The following RBFOX1 variants were observed in gnomAD, a reference collection of about 807,000 sequenced individuals.
The protein encoded by RBFOX1 is RNA binding protein fox-1 homolog 1.
A neutral mutation model predicts 57.7 loss-of-function variants in RBFOX1; 8 were observed. The ratio of observed to expected loss-of-function variants is 0.14; its 90% CI spans 0.08 to 0.25. The LOEUF (loss-of-function observed/expected upper bound fraction) is 0.25. RBFOX1 is among the 10% of genes least tolerant of loss of function. The pLI is 1.00. For synonymous variants in RBFOX1, 326 were observed against 222.4 expected, an observed-to-expected ratio of 1.47 and a Z score of -4.15; for missense variants, 611 against 548.5, an observed-to-expected ratio of 1.11 and a Z score of -1.14.
chr16:6,581,303 G>A (rs545929050), intron 2 of RBFOX1, among the ~76,000 whole-genome samples: 10 of 152,236 alleles, frequency 6.6e-5, no homozygotes, highest in East Asian at 1.9e-4. Context: ...TTGCTTTTTC[G>A]ATGATCCCTG....
At position 6,780,109 on chromosome 16, in the gene RBFOX1, TTATATATATTTA is replaced by T. The variant is rs1252694973; in HGVS notation, c.-16+125477_-16+125488del. Reference sequence around the variant, plus strand: ...TATATATTTATATATTTTTATATATTTATATATATTTATATATATATTTATATATTTATATAT... The same window carrying T: ...TATATATTTATATATTTTTATATATTTATATATATTTATATATTTATATAT... On this transcript the variant is annotated intron_variant, in intron 3 of 15. Transcript: ENST00000550418. 8.7e-4 allele frequency among the ~76,000 whole-genome samples: 30 copies of T among 34,642 alleles called. 8 individuals carry two copies. Among genetic ancestry groups the T allele is most frequent in the South Asian group, 1.3e-3 (1 of 794 alleles). 22.7% of individuals were successfully genotyped at this position (34,642 alleles called of 152,430 possible). A position where few individuals can be genotyped will look rare whatever the true frequency, so the allele number is the denominator to read the frequency against.
intron 3 of RBFOX1, among the ~76,000 whole-genome samples, chr16:6,729,130 C>T (rs1383631482): frequency 6.6e-6 from 1 of 152,048 alleles, no homozygotes; most frequent in Non-Finnish European, 1.5e-5. Flanking sequence ...GAGTTTTGTT[C>T]TTTATATGAT....
At chr16:7,662,796 A>G (rs2068100445) in intron 12 of RBFOX1, among the ~76,000 whole-genome samples, 1 of 152,238 alleles carries the variant, frequency 6.6e-6, no homozygotes, top group Non-Finnish European at 1.5e-5. Flanking sequence ...TGCAAGCATT[A>G]TCTTACGAAA....
intron 3 of RBFOX1, among the ~76,000 whole-genome samples, chr16:6,905,565 A>G (rs2069652638): frequency 6.6e-6 from 1 of 151,552 alleles, no homozygotes; most frequent in African/African-American, 2.4e-5. Context: ...AAAAAAAAAA[A>G]AGTGTAGATG....
chr16:6,709,878 A>G (rs543351189), intron 3 of RBFOX1, among the ~76,000 whole-genome samples: 12 of 151,972 alleles, frequency 7.9e-5, no homozygotes, highest in Admixed American at 5.9e-4. Flanking sequence ...TGGAGAGGGA[A>G]CGGCCGGGGG....
chr16:5,560,668 C>T (rs2045858635), intron 2 of RBFOX1, among the ~76,000 whole-genome samples: 1 of 152,024 alleles, frequency 6.6e-6, no homozygotes, highest in South Asian at 2.1e-4. Flanking sequence ...CATTTTTATC[C>T]AAACATCTCA....
chr16:6,018,949 C>G (rs564634414), upstream of RBFOX1: 2 of 351,132 alleles, frequency 5.7e-6, no homozygotes, highest in Admixed American at 6.5e-5. Flanking sequence ...CCGCTGGAAT[C>G]CAGGGCTGCA....
intron 3 of RBFOX1, among the ~76,000 whole-genome samples, chr16:5,742,054 A>T (rs989907362): frequency 2.0e-5 from 3 of 152,220 alleles, no homozygotes; most frequent in South Asian, 2.1e-4. Flanking sequence ...TCAGATTTTT[A>T]AAAAATGCTA....
chr16:7,151,683 G>T (rs1818448616), intron 4 of RBFOX1, among the ~76,000 whole-genome samples: 1 of 152,038 alleles, frequency 6.6e-6, no homozygotes, highest in African/African-American at 2.4e-5. Flanking sequence ...AATATATAAT[G>T]AAATAATTAC....
intron 2 of RBFOX1, among the ~76,000 whole-genome samples, chr16:6,395,741 G>A (rs2092802105): frequency 6.6e-6 from 1 of 151,916 alleles, no homozygotes; most frequent in Non-Finnish European, 1.5e-5. Flanking sequence ...GCAATTTATT[G>A]TGTACCAAAT....
chr16:6,871,033 G>T (rs2060775050), intron 3 of RBFOX1, among the ~76,000 whole-genome samples: 1 of 152,224 alleles, frequency 6.6e-6, no homozygotes, highest in Admixed American at 6.5e-5. Flanking sequence ...GAAAGCAAAT[G>T]AAGTCATAAA....
At chr16:5,270,574 C>G in intron 1 of RBFOX1, 1 of 588,128 alleles carries the variant, frequency 1.7e-6, no homozygotes, top group Non-Finnish European at 3.2e-6. Context: ...ATGGTTACTT[C>G]TTTCATCTGT....
rs1046785073 is a variant in RBFOX1, at chr16:6,362,183, C to G, written c.-64+45126C>G. Among the ~76,000 whole-genome samples, 15 of 152,028 alleles carry G rather than the reference C, an allele frequency of 9.9e-5. 2 individuals carry two copies. Among genetic ancestry groups the G allele is most frequent in the Admixed American group, 9.2e-4 (14 of 15,266 alleles). On this transcript the variant is annotated intron_variant, in intron 2 of 15. Coordinates refer to ENST00000550418, the MANE Select transcript of RBFOX1 (RefSeq NM_018723.4). ...ACAAGTCCTGCCCACCCCACGCCCC[C>G]CCAAAAAACAAAATTAAATTACTAA...
intron 1 of RBFOX1, among the ~76,000 whole-genome samples, chr16:5,358,129 C>T (rs2065444246): frequency 6.6e-6 from 1 of 151,994 alleles, no homozygotes; most frequent in Admixed American, 6.5e-5. Context: ...TGTCTTTCTC[C>T]TTGCTCCTGG....
At chr16:5,449,291 A>G (rs555225994) in intron 1 of RBFOX1, among the ~76,000 whole-genome samples, 4 of 152,092 alleles carry the variant, frequency 2.6e-5, no homozygotes, top group Non-Finnish European at 4.4e-5. Flanking sequence ...AATGACGCCT[A>G]CTTATCTGAG....
intron 1 of RBFOX1, among the ~76,000 whole-genome samples, chr16:6,040,514 C>T (rs1010429528): frequency 6.6e-6 from 1 of 152,292 alleles, no homozygotes; most frequent in Non-Finnish European, 1.5e-5. Flanking sequence ...CAGGGTTTAT[C>T]TGCGTGGAAG....
intron 1 of RBFOX1, among the ~76,000 whole-genome samples, chr16:6,174,682 T>G (rs911364343): frequency 3.3e-5 from 5 of 152,196 alleles, no homozygotes; most frequent in African/African-American, 1.2e-4. Context: ...GTTGTAGATC[T>G]GCTCTGATTC....
intron 1 of RBFOX1, among the ~76,000 whole-genome samples, chr16:5,392,745 A>G (rs943932823): frequency 6.6e-6 from 1 of 152,048 alleles, no homozygotes; most frequent in African/African-American, 2.4e-5. Flanking sequence ...AAATGTGCTC[A>G]TCTAGGCAAG....
At chr16:6,518,737 C>G (rs1340869165) in intron 2 of RBFOX1, among the ~76,000 whole-genome samples, 1 of 149,366 alleles carries the variant, frequency 6.7e-6, no homozygotes, top group Non-Finnish European at 1.5e-5. Context: ...ATCCATCCAT[C>G]TATCTCTGTC....
Sources: allele counts gnomAD v4.1 joint callset (sites outside exome capture counted in the v4.1 genomes callset), GRCh38; gene constraint gnomAD v4.1.1; transcripts MANE v1.5; gene names NCBI Gene and HGNC (gene_info 2026-07-23, HGNC 2026-07-21).